ITGB3: variants seen among roughly 807,000 people sequenced by gnomAD.
ITGB3 encodes the protein integrin beta-3.
ITGB3 carries 48 observed loss-of-function variants against 85.8 expected under a neutral mutation model. That is an observed-to-expected ratio of 0.56 (90% CI 0.44 to 0.71). The LOEUF (loss-of-function observed/expected upper bound fraction) is 0.71. Among genes scored for constraint, ITGB3 ranks in the 30% least tolerant of loss-of-function variants. The pLI, the probability that ITGB3 is intolerant of heterozygous loss-of-function variation, is 0.00. For synonymous variants in ITGB3, 363 were observed against 395.6 expected, an observed-to-expected ratio of 0.92 and a Z score of 0.98; for missense variants, 861 against 1,019.1, an observed-to-expected ratio of 0.84 and a Z score of 2.11.
chr17:47,256,188 A>G (rs2064989179), intron 1 of ITGB3, among the ~76,000 whole-genome samples: 1 of 152,138 alleles, frequency 6.6e-6, no homozygotes, highest in Non-Finnish European at 1.5e-5. Context: ...ATATCTGGTC[A>G]GGCACGGTGG....
rs2065207065 is a variant in ITGB3 at position 47,310,019 on chromosome 17, A to G, written c.2302-120A>G. On this transcript the variant is annotated intron_variant, in intron 14 of 14. Transcript: ENST00000559488. ...AGCAAAATGAACATTATTCTGTTTC[A>G]TTGATGATGTATTCCAGAGAACGGT... 5.0e-6 allele frequency: 4 copies of G among 804,100 alleles called. No individual in the cohort carries two copies. The African/African-American group carries it at 6.7e-5, about 14-fold the overall frequency. The allele number at this position is 804,100 out of a possible 1,614,324, so 49.8% of individuals were successfully genotyped here. A position where few individuals can be genotyped will look rare whatever the true frequency, so the allele number is the denominator to read the frequency against.
intron 2 of ITGB3, 152 bp from the exon 3 acceptor site, chr17:47,283,202 A>G: frequency 1.2e-6 from 1 of 817,268 alleles, no homozygotes; most frequent in Non-Finnish European, 2.0e-6. Flanking sequence ...CAACGGTCCT[A>G]AGGGATTATC....
In ITGB3 at chr17:47,267,312, T is replaced by TGAA. The variant is rs2065029084; in HGVS notation, c.80-7104_80-7102dup. Among the ~76,000 whole-genome samples the TGAA allele has an allele frequency of 3.3e-5, 5 of 152,168 alleles. No individual in the cohort carries two copies. The South Asian group carries it at 1.0e-3, about 32-fold the overall frequency. Reference sequence around the variant, plus strand: ...GTTTGTTCTGTAAGTGACATTATGGTGAAGATTCCCACTTTAGCAGGAATG... The same window carrying TGAA: ...GTTTGTTCTGTAAGTGACATTATGGTGAAGAAGATTCCCACTTTAGCAGGAATG... On this transcript the variant is annotated intron_variant, in intron 1 of 14. Coordinates refer to ENST00000559488, the MANE Select transcript of ITGB3 (RefSeq NM_000212.3).
At chr17:47,276,978 T>C (rs144609445) in intron 2 of ITGB3, among the ~76,000 whole-genome samples, 274 of 152,284 alleles carry the variant, frequency 1.8e-3, no homozygotes, top group African/African-American at 6.2e-3. Flanking sequence ...CTGGTTGGGC[T>C]CGGCTTTCCC....
Position 47,310,372 on chromosome 17 carries a change from G to A in ITGB3, c.*168G>A. The stretch of plus-strand genomic sequence containing the variant: ...AGTGTGGGTCTGTGTGTGTGTATGT[G>A]GGGGTCTGTGTGTTTATGTGTGTGT... On this transcript the variant is annotated 3_prime_UTR_variant, in exon 15 of 15. Coordinates refer to ENST00000559488, the MANE Select transcript of ITGB3 (RefSeq NM_000212.3). 1.4e-6 allele frequency: 1 copy of A among 704,450 alleles called. No individual in the cohort carries two copies. The highest frequency in any genetic ancestry group is 2.6e-6 in the Non-Finnish European group (1 of 387,964). 43.6% of individuals were successfully genotyped at this position (704,450 alleles called of 1,614,324 possible).
chr17:47,293,402 A>C (rs1267128696), intron 10 of ITGB3, among the ~76,000 whole-genome samples: 1 of 152,160 alleles, frequency 6.6e-6, no homozygotes, highest in Non-Finnish European at 1.5e-5. Context: ...ACATGTTGGC[A>C]ACACTCTCAG....
chr17:47,291,311 C>G (rs2065124765), intron 9 of ITGB3: 1 of 611,710 alleles, frequency 1.6e-6, no homozygotes, highest in African/African-American at 1.8e-5. Context: ...GTGAACTTCA[C>G]TCTCAGGAAT....
At chr17:47,286,522 A>G (rs1485345876) in intron 5 of ITGB3, 100 bp downstream of exon 5, 1 of 1,425,552 alleles carries the variant, frequency 7.0e-7, no homozygotes, top group Non-Finnish European at 9.9e-7. Flanking sequence ...AAATGAGATG[A>G]GAACTAAGCA....
intron 13 of ITGB3, among the ~76,000 whole-genome samples, chr17:47,307,193 T>C (rs1012726680): frequency 2.6e-5 from 4 of 152,098 alleles, no homozygotes; most frequent in Non-Finnish European, 1.5e-5. Context: ...GTTCTCTTCT[T>C]TGTGTTTAAT....
intron 6 of ITGB3, 123 bp from the exon 7 acceptor site, chr17:47,289,558 G>A: frequency 1.4e-6 from 1 of 729,918 alleles, no homozygotes; most frequent in Non-Finnish European, 2.4e-6. Flanking sequence ...CTTTCAGCAT[G>A]AAGTGAAATG....
chr17:47,266,290 A>G (rs1045781411), intron 1 of ITGB3, among the ~76,000 whole-genome samples: 2 of 152,140 alleles, frequency 1.3e-5, no homozygotes, highest in Non-Finnish European at 2.9e-5. Context: ...AACACCTCTT[A>G]CTGTGACTTA....
intron 1 of ITGB3, among the ~76,000 whole-genome samples, chr17:47,255,420 T>A (rs2064985699): frequency 1.3e-5 from 2 of 152,154 alleles, no homozygotes; most frequent in Non-Finnish European, 2.9e-5. Context: ...AAGGATATCT[T>A]TTTTTGTTTG....
chr17:47,310,409 G>C lies in ITGB3; in HGVS notation c.*205G>C, dbSNP rs2065209488. ...GTTTATGTGTGTGTGTTGTGTGTGG[G>C]AGTGTGTAATTTAAAATTGTGATGT... On this transcript the variant is annotated 3_prime_UTR_variant, in exon 15 of 15. Transcript: ENST00000559488. 1.5e-6 allele frequency: 1 copy of C among 657,468 alleles called. No homozygotes were observed. The highest frequency in any genetic ancestry group is 2.8e-6 in the Non-Finnish European group (1 of 359,072). The allele number at this position is 657,468 out of a possible 1,614,324, so 40.7% of individuals were successfully genotyped here.
At position 47,274,512 on chromosome 17, in the gene ITGB3, G is replaced by A. The variant is rs1361801589; in HGVS notation, c.165+8G>A. The A allele has an allele frequency of 3.1e-6, 5 of 1,612,294 alleles. No individual in the cohort carries two copies. The highest frequency in any genetic ancestry group is 4.2e-6 in the Non-Finnish European group (5 of 1,178,640). ...GCCTGGTGCTCTGATGAGGTAAGGA[G>A]CAGATACCAGACCTTGTTTCTTCTC... On this transcript the variant is annotated splice_region_variant and intron_variant, in intron 2 of 14. Transcript: ENST00000559488.
chr17:47,292,322 G>C lies in ITGB3; in HGVS notation c.1444G>C (p.Glu482Gln), dbSNP rs1696683691. ...CTGCAACAATGGCAATGGGACCTTT[G>C]AGTGTGGGGTATGCCGTTGTGGGCC... Reference protein sequence around the residue: ...HRCNNGNGTFECGVCRCGPGW... With the variant: ...HRCNNGNGTFQCGVCRCGPGW... The change falls in exon 10 of 15, where the codon GAG becomes CAG. Residue 482 changes from glutamate (E) to glutamine (Q), a missense_variant. Physicochemically the swap from Glu to Gln is conservative, Grantham distance 29 (BLOSUM62 2). Transcript: ENST00000559488. 2 of 1,614,210 alleles carry C rather than the reference G, an allele frequency of 1.2e-6. No homozygotes were observed. The highest frequency in any genetic ancestry group is 1.7e-6 in the Non-Finnish European group (2 of 1,180,040).
At chr17:47,267,793 C>G (rs1166441799) in intron 1 of ITGB3, among the ~76,000 whole-genome samples, 1 of 152,072 alleles carries the variant, frequency 6.6e-6, no homozygotes, top group Non-Finnish European at 1.5e-5. Flanking sequence ...TAGGGAAATG[C>G]TAATTTGAGA....
intron 1 of ITGB3, among the ~76,000 whole-genome samples, chr17:47,261,509 G>A (rs902403635): frequency 4.7e-5 from 7 of 149,680 alleles, no homozygotes; most frequent in Admixed American, 4.0e-4. Flanking sequence ...ATCAATAATA[G>A]GATCATTGTC....
chr17:47,265,711 T>C (rs533517025), intron 1 of ITGB3, among the ~76,000 whole-genome samples: 1 of 152,374 alleles, frequency 6.6e-6, no homozygotes, highest in South Asian at 2.1e-4. Context: ...AGTCAACTTA[T>C]AACACATTTT....
intron 3 of ITGB3, among the ~76,000 whole-genome samples, chr17:47,283,927 C>T (rs558055513): frequency 6.6e-6 from 1 of 152,148 alleles, no homozygotes; most frequent in Non-Finnish European, 1.5e-5. Flanking sequence ...TGTAAGCCCC[C>T]CTTTCATGGG....
Sources: allele counts gnomAD v4.1 joint callset (sites outside exome capture counted in the v4.1 genomes callset), GRCh38; gene constraint gnomAD v4.1.1; transcripts MANE v1.5; gene names NCBI Gene and HGNC (gene_info 2026-07-23, HGNC 2026-07-21).